The following CELF2 variants were observed in gnomAD, a reference collection of about 807,000 sequenced individuals.
CELF2 encodes the protein CUG triplet repeat RNA-binding protein 2.
Under a neutral mutation model 62.6 loss-of-function variants are expected in CELF2, and 8 were observed. That is an observed-to-expected ratio of 0.13 (90% CI 0.07 to 0.23). The LOEUF (loss-of-function observed/expected upper bound fraction) is 0.23, where lower values mean the gene tolerates loss of function less well. Among genes scored for constraint, CELF2 ranks in the 10% least tolerant of loss-of-function variants. The pLI, the probability that CELF2 is intolerant of heterozygous loss-of-function variation, is 1.00. For synonymous variants in CELF2, 258 were observed against 250.0 expected (o/e 1.03, Z -0.30); for missense variants, 333 against 671.0 (o/e 0.50, Z 5.56).
At chr10:10,604,406 T>G in the CELF2 span, among the ~76,000 whole-genome samples, 1 of 152,210 alleles carries the variant, frequency 6.6e-6, no homozygotes, top group Non-Finnish European at 1.5e-5. Flanking sequence ...TTCTATGGTT[T>G]TATCTCCTGG....
At chr10:11,079,179 A>C (rs1194571832) in intron 1 of CELF2, among the ~76,000 whole-genome samples, 1 of 152,198 alleles carries the variant, frequency 6.6e-6, no homozygotes, top group African/African-American at 2.4e-5. Context: ...ACTTACTGAG[A>C]GTGACAAGAG....
At chr10:11,071,126 CT>C (rs2069836631) in intron 1 of CELF2, among the ~76,000 whole-genome samples, 1 of 152,156 alleles carries the variant, frequency 6.6e-6, no homozygotes, top group Non-Finnish European at 1.5e-5. Flanking sequence ...GCTAATTCTG[CT>C]GTAATTTAAA....
chr10:11,018,292 C>T (rs2057648789), intron 1 of CELF2, 129 bp downstream of exon 1: 1 of 678,398 alleles, frequency 1.5e-6, no homozygotes, highest in Non-Finnish European at 2.1e-6. Flanking sequence ...TCGCCTCCCT[C>T]GGCCTTCGGA....
At chr10:10,715,748 T>C in the CELF2 span, among the ~76,000 whole-genome samples, 1 of 152,132 alleles carries the variant, frequency 6.6e-6, no homozygotes, top group Non-Finnish European at 1.5e-5. Flanking sequence ...GCTTGCCATA[T>C]AGGGTTGCTG....
At chr10:11,061,551 C>A (rs2140468136) in intron 1 of CELF2, among the ~76,000 whole-genome samples, 1 of 152,342 alleles carries the variant, frequency 6.6e-6, no homozygotes, top group African/African-American at 2.4e-5. Flanking sequence ...GTAAATGAAA[C>A]AGCCTGCTAT....
chr10:11,114,923 G>A (rs1028303771), intron 1 of CELF2, among the ~76,000 whole-genome samples: 1 of 152,244 alleles, frequency 6.6e-6, no homozygotes, highest in East Asian at 1.9e-4. Context: ...CTGATTTTCT[G>A]TATGTAATTC....
chr10:11,053,566 T>TAAA lies in CELF2; in HGVS notation c.74+35410_74+35412dup, dbSNP rs113523435. ...CTTGTTCCAAGAAACACACATTTTT[T>TAAA]AAAAAAAAAGACTATTTGGGCATTC... is the stretch of plus-strand genomic sequence containing the variant. On this transcript the variant is annotated intron_variant, in intron 1 of 12. Transcript: ENST00000633077. Among the ~76,000 whole-genome samples, 494 of 149,880 alleles carry TAAA rather than the reference T, an allele frequency of 3.3e-3. 1 individual carries two copies. Among genetic ancestry groups the TAAA allele is most frequent in the African/African-American group, 8.9e-3 (364 of 40,886 alleles).
At chr10:10,518,290 T>A in the CELF2 span, among the ~76,000 whole-genome samples, 245 of 152,322 alleles carry the variant, frequency 1.6e-3, 1 homozygote, top group Admixed American at 2.5e-3. Flanking sequence ...TACCTGAAAA[T>A]GGACTTGAGA....
At chr10:10,568,274 C>A in the CELF2 span, among the ~76,000 whole-genome samples, 1 of 150,878 alleles carries the variant, frequency 6.6e-6, no homozygotes, top group South Asian at 2.1e-4. Context: ...ATTTACAAGG[C>A]AGATGATTAG....
At chr10:11,256,360 C>T (rs1334568903) in intron 4 of CELF2, among the ~76,000 whole-genome samples, 1 of 152,102 alleles carries the variant, frequency 6.6e-6, no homozygotes, top group Non-Finnish European at 1.5e-5. Context: ...GGAACTGGCC[C>T]CAGTAAGTCT....
intron 8 of CELF2, among the ~76,000 whole-genome samples, chr10:11,283,223 C>T (rs2174022): frequency 0.1 from 15,667 of 152,242 alleles, 900 homozygotes; most frequent in Middle Eastern, 0.18. Flanking sequence ...TCTCTACCAT[C>T]CCCATCGAAT....
At chr10:11,291,894 A>G (rs1226212823) in intron 9 of CELF2, among the ~76,000 whole-genome samples, 4 of 152,228 alleles carry the variant, frequency 2.6e-5, no homozygotes, top group Admixed American at 2.6e-4. Flanking sequence ...GTTACCACAC[A>G]TGAATATTTT....
chr10:11,235,293 C>A (rs1390968333), intron 3 of CELF2, among the ~76,000 whole-genome samples: 3 of 152,196 alleles, frequency 2.0e-5, no homozygotes, highest in Non-Finnish European at 1.5e-5. Flanking sequence ...ATAAAGAGTT[C>A]TTGCTTTACT....
intron 2 of CELF2, among the ~76,000 whole-genome samples, chr10:10,923,304 TGA>T (rs893800121): frequency 8.5e-5 from 13 of 152,334 alleles, no homozygotes; most frequent in Non-Finnish European, 8.8e-5. Context: ...CGGTGGCATT[TGA>T]GAACAGTTTT....
rs113450622 is a variant in CELF2, at chr10:11,070,295, G to A, written c.74+52132G>A. ...TGAACTAAGTGAAGGCTCAGGTGGTGGGAATGCAGAGAGCACCAGCGGTGG... is the reference window on the plus strand; with the variant it reads ...TGAACTAAGTGAAGGCTCAGGTGGTAGGAATGCAGAGAGCACCAGCGGTGG... On this transcript the variant is annotated intron_variant, in intron 1 of 12. Coordinates refer to ENST00000633077, the MANE Select transcript of CELF2 (RefSeq NM_001326342.2). Among the ~76,000 whole-genome samples the A allele has an allele frequency of 5.5e-3, 839 of 152,182 alleles. 11 individuals carry two copies. The highest frequency in any genetic ancestry group is 0.019 in the African/African-American group (799 of 41,496).
the CELF2 span, among the ~76,000 whole-genome samples, chr10:10,759,341 C>A: frequency 8.0e-6 from 1 of 125,046 alleles, no homozygotes; most frequent in Non-Finnish European, 1.6e-5. Flanking sequence ...TGAAGTCTCA[C>A]TCTTGTCTCC....
chr10:10,937,537 G>T (rs1206529364), intron 2 of CELF2: 1 of 152,112 alleles, frequency 6.6e-6, no homozygotes, highest in Non-Finnish European at 1.5e-5. Flanking sequence ...CAAACTCTGA[G>T]TTACTATAAA....
the CELF2 span, among the ~76,000 whole-genome samples, chr10:10,581,801 G>A: frequency 6.6e-6 from 1 of 152,142 alleles, no homozygotes; most frequent in African/African-American, 2.4e-5. Flanking sequence ...AGGCCAAGGT[G>A]GGCTGATCAC....
chr10:10,840,629 TG>T (rs1311228788), intron 1 of CELF2, among the ~76,000 whole-genome samples: 1 of 152,198 alleles, frequency 6.6e-6, no homozygotes, highest in Admixed American at 6.5e-5. Flanking sequence ...ATTTTGCAAA[TG>T]TATTTTTTTC....
Sources: allele counts gnomAD v4.1 joint callset (sites outside exome capture counted in the v4.1 genomes callset), GRCh38; gene constraint gnomAD v4.1.1; transcripts MANE v1.5; gene names NCBI Gene and HGNC (gene_info 2026-07-23, HGNC 2026-07-21).